LGR5: variants seen among roughly 807,000 people sequenced by gnomAD.
LGR5 encodes the protein leucine-rich repeat-containing G protein-coupled receptor 5.
A neutral mutation model predicts 76.7 loss-of-function variants in LGR5; 54 were observed. The ratio of observed to expected loss-of-function variants is 0.70; its 90% confidence interval spans 0.57 to 0.88. The LOEUF is 0.88. LGR5 is among the 40% of genes least tolerant of loss of function. LGR5 has a pLI of 0.00. For missense variants in LGR5, 1,078 were observed against 1,073.3 expected (o/e 1.00, Z -0.06); for synonymous variants, 406 against 421.9 (o/e 0.96, Z 0.46).
rs766869635 is a variant in LGR5 at position 71,504,644 on chromosome 12, G to C, written c.243G>C (p.Leu81=). Residue 81 remains leucine (L), a synonymous_variant, in exon 2 of 18, where the codon CTG becomes CTC. Transcript: ENST00000266674. The part of the protein sequence containing the change: ...LDLSMNNISQ[L]LPNPLPSLRF... The stretch of plus-strand genomic sequence containing the variant: ...TCAGTATGAACAACATCAGTCAGCT[G>C]CTCCCGAATCCCCTGCCCAGTCTCC... The C allele has an allele frequency of 6.2e-7, 1 of 1,614,074 alleles. No homozygotes were observed. Among genetic ancestry groups the C allele is most frequent in the Admixed American group, 1.7e-5 (1 of 60,006 alleles).
intron 1 of LGR5, among the ~76,000 whole-genome samples, chr12:71,480,663 G>A (rs1390617287): frequency 6.6e-6 from 1 of 152,134 alleles, no homozygotes; most frequent in Non-Finnish European, 1.5e-5. Context: ...GGTTTGACTG[G>A]AATATAGACT....
Position 71,504,661 on chromosome 12 carries a change from C to G in LGR5, c.260C>G (p.Pro87Arg), listed in dbSNP as rs1565701086. The G allele has an allele frequency of 2.5e-6, 4 of 1,613,896 alleles. No individual in the cohort carries two copies. The South Asian group carries it at 4.4e-5, about 18-fold the overall frequency. Residue 87 changes from proline (P) to arginine (R), a missense_variant, in exon 2 of 18, where the codon CCC becomes CGC. Pro to Arg is a moderately radical substitution (Grantham distance 103). Coordinates refer to ENST00000266674, the MANE Select transcript of LGR5 (RefSeq NM_003667.4). Reference sequence around the variant, plus strand: ...AGTCAGCTGCTCCCGAATCCCCTGCCCAGTCTCCGCTTCCTGGAGGAGTTG... The same window carrying G: ...AGTCAGCTGCTCCCGAATCCCCTGCGCAGTCTCCGCTTCCTGGAGGAGTTG... ...NISQLLPNPL[P>R]SLRFLEELRL...
In LGR5 at chr12:71,571,490, CT is replaced by C. The variant is rs1331891524; in HGVS notation, c.1071-19del. On this transcript the variant is annotated intron_variant, in intron 11 of 17. Transcript: ENST00000266674. ...ATGATTTATTTGTAACAGATTTTCC[CT>C]TTTTGCACCTTCTGTTTTTCAGAGA... 6 of 1,575,576 alleles carry C rather than the reference CT, an allele frequency of 3.8e-6. 1 individual carries two copies. Among genetic ancestry groups the C allele is most frequent in the Non-Finnish European group, 5.2e-6 (6 of 1,151,528 alleles).
At chr12:71,524,273 C>A in intron 2 of LGR5, 133 bp from the exon 3 acceptor site, 1 of 610,950 alleles carries the variant, frequency 1.6e-6, no homozygotes, top group South Asian at 2.9e-5. Context: ...CAAAATATAA[C>A]AAAACAAAGT....
chr12:71,456,367 G>A (rs1208204971), intron 1 of LGR5, among the ~76,000 whole-genome samples: 1 of 152,134 alleles, frequency 6.6e-6, no homozygotes, highest in Non-Finnish European at 1.5e-5. Flanking sequence ...CAGTGACCAG[G>A]GTATGGTTTG....
At position 71,555,294 on chromosome 12, in the gene LGR5, C is replaced by G. The variant is rs188959838; in HGVS notation, c.645-1325C>G. Among the ~76,000 whole-genome samples, 3 of 152,238 alleles carry G rather than the reference C, an allele frequency of 2.0e-5. No homozygotes were observed. In the East Asian group the frequency reaches 5.8e-4, roughly 29 times the overall value. ...CTGGGTATGTGCTTTAATTTCTTTT[C>G]CTCCACTAGAGGAAATGGATTTACA... On this transcript the variant is annotated intron_variant, in intron 5 of 17. Coordinates refer to ENST00000266674, the MANE Select transcript of LGR5 (RefSeq NM_003667.4).
intron 7 of LGR5, among the ~76,000 whole-genome samples, chr12:71,560,370 A>T (rs1877994098): frequency 6.6e-6 from 1 of 152,224 alleles, no homozygotes; most frequent in South Asian, 2.1e-4. Context: ...TATTAAGTGG[A>T]AGTATATCAT....
chr12:71,445,434 T>C (rs1334989211), intron 1 of LGR5, among the ~76,000 whole-genome samples: 2 of 152,244 alleles, frequency 1.3e-5, no homozygotes, highest in East Asian at 3.8e-4. Context: ...ACTGCAACTC[T>C]TTCATTCCCA....
chr12:71,511,430 A>T (rs1447002760), intron 2 of LGR5, among the ~76,000 whole-genome samples: 1 of 152,208 alleles, frequency 6.6e-6, no homozygotes, highest in East Asian at 1.9e-4. Flanking sequence ...GCCTTTAACA[A>T]GCTCTCCAGG....
At chr12:71,551,419 A>G (rs1401624942) in intron 4 of LGR5, among the ~76,000 whole-genome samples, 1 of 152,252 alleles carries the variant, frequency 6.6e-6, no homozygotes, top group Non-Finnish European at 1.5e-5. Flanking sequence ...AAATGCTTCC[A>G]AAAACATTTT....
chr12:71,558,309 TC>T (rs1258124333), intron 6 of LGR5, among the ~76,000 whole-genome samples: 22 of 152,326 alleles, frequency 1.4e-4, no homozygotes, highest in South Asian at 6.2e-4. Context: ...GTCTTTTTTT[TC>T]CCCTCAATGT....
chr12:71,488,679 T>G (rs1361216057), intron 1 of LGR5, among the ~76,000 whole-genome samples: 1 of 152,226 alleles, frequency 6.6e-6, no homozygotes, highest in African/African-American at 2.4e-5. Context: ...CGGGTCTCCT[T>G]GTTATTATTT....
chr12:71,561,770 T>C lies in LGR5; in HGVS notation c.786-11T>C. On this transcript the variant is annotated splice_polypyrimidine_tract_variant and intron_variant, in intron 7 of 17. Transcript: ENST00000266674. ...ACACAGGATTTTTTATAATTTTTTT[T>C]CTCTTTCTAGAGGATTTCATAGCAA... 6.4e-7 allele frequency: 1 copy of C among 1,561,642 alleles called. No individual in the cohort carries two copies. The highest frequency in any genetic ancestry group is 8.7e-7 in the Non-Finnish European group (1 of 1,144,402).
At chr12:71,525,280 A>G (rs1233005397) in intron 3 of LGR5, among the ~76,000 whole-genome samples, 1 of 152,116 alleles carries the variant, frequency 6.6e-6, no homozygotes, top group Non-Finnish European at 1.5e-5. Flanking sequence ...CACATAGGTT[A>G]AAAAAACAGT....
At chr12:71,489,972 C>T (rs1302110015) in intron 1 of LGR5, among the ~76,000 whole-genome samples, 4 of 151,992 alleles carry the variant, frequency 2.6e-5, no homozygotes, top group South Asian at 2.1e-4. Flanking sequence ...CCACAGCCTC[C>T]GAAGTAGCTG....
rs770370252 is a variant in LGR5, at chr12:71,566,660, G to C, written c.958G>C (p.Glu320Gln). ...TCTGAATGGTGCCTCACAAATAACT[G>C]AATTTCCTGATTTAACTGGAACTGC... is the stretch of plus-strand genomic sequence containing the variant. ...LTLNGASQIT[E>Q]FPDLTGTANL... The change falls in exon 10 of 18, where the codon GAA (glutamate) becomes CAA (glutamine). Residue 320 changes from glutamate (E) to glutamine (Q), a missense_variant. Transcript: ENST00000266674. The C allele has an allele frequency of 1.9e-6, 3 of 1,613,356 alleles. No individual in the cohort carries two copies. The highest frequency in any genetic ancestry group is 2.7e-5 in the African/African-American group (2 of 74,872).
chr12:71,535,628 A>G (rs1440553024), intron 4 of LGR5, among the ~76,000 whole-genome samples: 6 of 152,136 alleles, frequency 3.9e-5, no homozygotes, highest in Non-Finnish European at 5.9e-5. Flanking sequence ...AAGGCTTACT[A>G]TTTTAGTACT....
chr12:71,566,741 A>C, intron 10 of LGR5, 41 bp downstream of exon 10: 8 of 1,583,116 alleles, frequency 5.1e-6, no homozygotes, highest in Non-Finnish European at 6.9e-6. Flanking sequence ...CAGAACATAC[A>C]CTGCCATTAG....
intron 1 of LGR5, among the ~76,000 whole-genome samples, chr12:71,457,784 C>T (rs1047949868): frequency 6.6e-6 from 1 of 152,112 alleles, no homozygotes; most frequent in Non-Finnish European, 1.5e-5. Flanking sequence ...CTCAGCCTTT[C>T]ACATGTGAGT....
Sources: allele counts gnomAD v4.1 joint callset (sites outside exome capture counted in the v4.1 genomes callset), GRCh38; gene constraint gnomAD v4.1.1; transcripts MANE v1.5; gene names NCBI Gene and HGNC (gene_info 2026-07-23, HGNC 2026-07-21).